Variants in BCAS3 observed in about 807,000 individuals in gnomAD.
BCAS3 encodes BCAS3 microtubule associated cell migration factor, also known as BCAS4/BCAS3 fusion.
Under a neutral mutation model 116.1 loss-of-function variants are expected in BCAS3, and 53 were observed. The ratio of observed to expected loss-of-function variants is 0.46; its 90% confidence interval spans 0.37 to 0.57. The LOEUF (loss-of-function observed/expected upper bound fraction) is 0.57. Ranked by LOEUF, BCAS3 falls within the 20% of genes least tolerant of loss-of-function variation. The pLI is 0.00. For missense variants in BCAS3, 917 were observed against 1,165.4 expected (o/e 0.79, Z 3.10); for synonymous variants, 391 against 408.2 (o/e 0.96, Z 0.51).
intron 9 of BCAS3, among the ~76,000 whole-genome samples, chr17:60,880,674 A>C (rs779832800): frequency 1.3e-5 from 2 of 152,186 alleles, no homozygotes; most frequent in African/African-American, 4.8e-5. Flanking sequence ...TTGTATGGAC[A>C]CTAGTGCACA....
chr17:61,285,282 A>G lies in BCAS3; in HGVS notation c.2426-83045A>G, dbSNP rs1249685995. The stretch of plus-strand genomic sequence containing the variant: ...GTTTCTTGCTAAAATGCAGCAAAGG[A>G]AGGGGAAACAAATACAACAGTGCAC... On this transcript the variant is annotated intron_variant, in intron 22 of 23. Coordinates refer to ENST00000407086, the MANE Select transcript of BCAS3 (RefSeq NM_017679.5). This position sits in a 1 kb window ranked among gnomAD's most constrained non-coding sequence, Gnocchi z 5.4. 6.8e-6 allele frequency among the ~76,000 whole-genome samples: 1 copy of G among 146,640 alleles called. No individual in the cohort carries two copies. Among genetic ancestry groups the G allele is most frequent in the Non-Finnish European group, 1.5e-5 (1 of 67,236 alleles).
intron 2 of BCAS3, among the ~76,000 whole-genome samples, chr17:60,683,161 T>A (rs1265506976): frequency 3.3e-5 from 5 of 152,226 alleles, no homozygotes; most frequent in Non-Finnish European, 7.3e-5. Flanking sequence ...AATGCCTGTA[T>A]CTACCAGAAA....
At chr17:61,202,861 AGATT>A (rs1288371297) in intron 22 of BCAS3, among the ~76,000 whole-genome samples, 1 of 152,220 alleles carries the variant, frequency 6.6e-6, no homozygotes, top group African/African-American at 2.4e-5. Context: ...AATATCTCAT[AGATT>A]AAGTCAATTA....
At chr17:60,694,689 G>A (rs953305871) in intron 4 of BCAS3, among the ~76,000 whole-genome samples, 8 of 147,880 alleles carry the variant, frequency 5.4e-5, no homozygotes, top group Non-Finnish European at 1.0e-4. Flanking sequence ...TTGCTGTGTT[G>A]CCCAGGCTGA....
At chr17:61,218,790 G>A (rs1049644367) in intron 22 of BCAS3, among the ~76,000 whole-genome samples, 2 of 152,118 alleles carry the variant, frequency 1.3e-5, no homozygotes, top group African/African-American at 4.8e-5. Flanking sequence ...ATTTGCCTAG[G>A]TCCCAGCTTT....
chr17:60,690,174 A>G (rs2034621305), intron 4 of BCAS3, among the ~76,000 whole-genome samples: 1 of 152,186 alleles, frequency 6.6e-6, no homozygotes, highest in South Asian at 2.1e-4. Flanking sequence ...TATAAGTGGA[A>G]TCGTACAGTA....
At chr17:60,685,450 CAAA>C (rs1204965872) in intron 3 of BCAS3, among the ~76,000 whole-genome samples, 7 of 54,372 alleles carry the variant, frequency 1.3e-4, no homozygotes, top group Non-Finnish European at 2.2e-4. Flanking sequence ...AACTCCGTCT[CAAA>C]AAAAAAAAAA....
chr17:60,982,462 C>T (rs928446877), intron 14 of BCAS3, among the ~76,000 whole-genome samples: 6 of 152,064 alleles, frequency 3.9e-5, no homozygotes, highest in East Asian at 1.9e-4. Context: ...TGCATCATTG[C>T]GCCTCGCTTG....
chr17:60,832,446 T>A (rs1250520445), intron 7 of BCAS3, among the ~76,000 whole-genome samples: 1 of 152,206 alleles, frequency 6.6e-6, no homozygotes, highest in Non-Finnish European at 1.5e-5. Context: ...AAAAAATTTC[T>A]CAGTTACCAC....
At chr17:61,271,124 C>CT (rs1198682844) in intron 22 of BCAS3, among the ~76,000 whole-genome samples, 3,355 of 107,068 alleles carry the variant, frequency 0.031, 96 homozygotes, top group East Asian at 0.052. Flanking sequence ...AACTTTTATT[C>CT]TTTTTTTTTT....
intron 18 of BCAS3, among the ~76,000 whole-genome samples, chr17:61,040,352 A>G (rs546330514): frequency 5.1e-4 from 78 of 152,310 alleles, no homozygotes; most frequent in African/African-American, 1.6e-3. Flanking sequence ...TGCTAATTTG[A>G]TCTATAATAA....
At position 61,082,065 on chromosome 17, in the gene BCAS3, G is replaced by T. The variant is rs147324390; in HGVS notation, c.2328-2402G>T. Among the ~76,000 whole-genome samples the T allele has an allele frequency of 2.6e-4, 39 of 152,118 alleles. No homozygotes were observed. In the East Asian group the frequency reaches 7.4e-3, roughly 29 times the overall value. ...TGACTCTCATCCATAAGGGAATCAG[G>T]CAAGCTCCCTACACAGAGCAGGTGT... On this transcript the variant is annotated intron_variant, in intron 21 of 23. Coordinates refer to ENST00000407086, the MANE Select transcript of BCAS3 (RefSeq NM_017679.5). This position sits in a 1 kb window ranked among gnomAD's most constrained non-coding sequence, Gnocchi z 5.1.
chr17:60,683,837 AAAACAAAACAAAAC>A, intron 2 of BCAS3, 131 bp from the exon 3 acceptor site: 1 of 723,890 alleles, frequency 1.4e-6, no homozygotes, highest in Non-Finnish European at 2.2e-6. Flanking sequence ...GTCTCAAAAC[AAAACAAAACAAAAC>A]AAACAAAAAA....
chr17:61,059,741 A>G (rs988237331), intron 19 of BCAS3, among the ~76,000 whole-genome samples: 1 of 152,156 alleles, frequency 6.6e-6, no homozygotes, highest in African/African-American at 2.4e-5. Context: ...AAGAAATTTT[A>G]CTGGCTGGGC....
intron 7 of BCAS3, among the ~76,000 whole-genome samples, chr17:60,838,414 G>T (rs1040095494): frequency 6.6e-6 from 1 of 151,962 alleles, no homozygotes; most frequent in Non-Finnish European, 1.5e-5. Flanking sequence ...GTGGTGAGGT[G>T]GGTGTGGGGA....
In BCAS3 at chr17:61,333,519, G is replaced by A. The variant is rs1000718335; in HGVS notation, c.2426-34808G>A. 3.9e-5 allele frequency among the ~76,000 whole-genome samples: 6 copies of A among 152,050 alleles called. No homozygotes were observed. Among genetic ancestry groups the A allele is most frequent in the Admixed American group, 1.3e-4 (2 of 15,272 alleles). Reference sequence around the variant, plus strand: ...CCCTTGCCAATCCCGTGCAAACCACGCAATGTCTGCCAGCGCTCACTGCCT... The same window carrying A: ...CCCTTGCCAATCCCGTGCAAACCACACAATGTCTGCCAGCGCTCACTGCCT... On this transcript the variant is annotated intron_variant, in intron 22 of 23. Transcript: ENST00000407086. The surrounding 1 kb of genome is among the most constrained non-coding windows in gnomAD (Gnocchi z 4.8).
chr17:60,992,125 A>G (rs919965723), intron 15 of BCAS3, among the ~76,000 whole-genome samples: 12 of 150,722 alleles, frequency 8.0e-5, no homozygotes, highest in Non-Finnish European at 1.2e-4. Flanking sequence ...GTATGTACCT[A>G]TCCTAATTTG....
chr17:61,126,577 A>G lies in BCAS3; in HGVS notation c.2425+42013A>G, dbSNP rs1202625904. ...ATATAGTCATTGGGTGAAAGATTGCAGAAGTTGAACCACTAGTTTTGAAAG... is the reference window on the plus strand; with the variant it reads ...ATATAGTCATTGGGTGAAAGATTGCGGAAGTTGAACCACTAGTTTTGAAAG... On this transcript the variant is annotated intron_variant, in intron 22 of 23. Coordinates refer to ENST00000407086, the MANE Select transcript of BCAS3 (RefSeq NM_017679.5). This position sits in a 1 kb window ranked among gnomAD's most constrained non-coding sequence, Gnocchi z 4.6. Among the ~76,000 whole-genome samples, 2 of 152,216 alleles carry G rather than the reference A, an allele frequency of 1.3e-5. No homozygotes were observed. Among genetic ancestry groups the G allele is most frequent in the South Asian group, 4.1e-4 (2 of 4,834 alleles).
chr17:60,871,186 A>G (rs1237080993), intron 8 of BCAS3, among the ~76,000 whole-genome samples: 1 of 151,828 alleles, frequency 6.6e-6, no homozygotes, highest in Non-Finnish European at 1.5e-5. Context: ...AGTTGGGAGG[A>G]CTGGATCTCA....
Sources: allele counts gnomAD v4.1 joint callset (sites outside exome capture counted in the v4.1 genomes callset), GRCh38; gene constraint gnomAD v4.1.1; non-coding constraint Gnocchi (gnomAD v3.1); transcripts MANE v1.5; gene names NCBI Gene and HGNC (gene_info 2026-07-23, HGNC 2026-07-21).